The following ST3GAL1 variants were observed in gnomAD, a reference collection of about 807,000 sequenced individuals.
ST3GAL1 encodes the protein ST3 beta-galactoside alpha-2,3-sialyltransferase 1.
Under a neutral mutation model 34.1 loss-of-function variants are expected in ST3GAL1, and 16 were observed. The ratio of observed to expected loss-of-function variants is 0.47; its 90% CI spans 0.32 to 0.71. The LOEUF (loss-of-function observed/expected upper bound fraction) is 0.71. ST3GAL1 is among the 30% of genes least tolerant of loss of function. The pLI, the probability that ST3GAL1 is intolerant of heterozygous loss-of-function variation, is 0.04. For synonymous variants in ST3GAL1, 191 were observed against 184.7 expected (o/e 1.03, Z -0.28); for missense variants, 353 against 447.4 (o/e 0.79, Z 1.90).
chr8:133,490,687 G>A (rs1464017362), intron 3 of ST3GAL1, among the ~76,000 whole-genome samples: 8 of 152,224 alleles, frequency 5.3e-5, no homozygotes, highest in African/African-American at 1.7e-4. Context: ...AAAACAGGGC[G>A]CCCTTCAGAG....
chr8:133,545,460 T>G (rs1168188812), intron 2 of ST3GAL1, among the ~76,000 whole-genome samples: 1 of 152,236 alleles, frequency 6.6e-6, no homozygotes, highest in Non-Finnish European at 1.5e-5. Context: ...TGACAGGCCC[T>G]TGTCATCAAA....
chr8:133,550,845 C>T (rs1165794334), intron 1 of ST3GAL1, among the ~76,000 whole-genome samples: 7 of 152,202 alleles, frequency 4.6e-5, no homozygotes, highest in Non-Finnish European at 7.3e-5. Flanking sequence ...CCTGAGGCTC[C>T]TTTCTACTGT....
intron 6 of ST3GAL1, 66 bp downstream of exon 6, chr8:133,465,828 C>T (rs2130923996): frequency 5.2e-6 from 8 of 1,537,896 alleles, no homozygotes; most frequent in Non-Finnish European, 6.2e-6. Context: ...AGCCAAGATG[C>T]TTCCTACAGC....
chr8:133,465,994 T>A lies in ST3GAL1; in HGVS notation c.403A>T (p.Arg135Trp). The change falls in exon 6 of 10, where the codon AGG becomes TGG. Residue 135 changes from arginine (R) to tryptophan (W), a missense_variant. Transcript: ENST00000522652. The stretch of plus-strand genomic sequence containing the variant: ...GCGCAGCGCCGGCAGCCCACCGACC[T>A]CTTCTCCAGCATAGGGTCCACATTC... ...PGNVDPMLEK[R>W]SVGCRRCAVV... The A allele has an allele frequency of 6.2e-7, 1 of 1,614,206 alleles. No individual in the cohort carries two copies. The highest frequency in any genetic ancestry group is 8.5e-7 in the Non-Finnish European group (1 of 1,180,028).
At chr8:133,565,289 G>A (rs2978061) in intron 1 of ST3GAL1, among the ~76,000 whole-genome samples, 1 of 152,180 alleles carries the variant, frequency 6.6e-6, no homozygotes, top group East Asian at 1.9e-4. Flanking sequence ...GGTGGGCTCA[G>A]CTCTTGGTGC....
In ST3GAL1 at chr8:133,497,455, A is replaced by ATTTTTTTTTTTTTTTTTTTTTT. The variant is rs1816988627; in HGVS notation, c.-374+1679_-374+1680insAAAAAAAAAAAAAAAAAAAAAA. Among the ~76,000 whole-genome samples, 48 of 101,242 alleles carry ATTTTTTTTTTTTTTTTTTTTTT rather than the reference A, an allele frequency of 4.7e-4. 23 individuals are homozygous for ATTTTTTTTTTTTTTTTTTTTTT. The highest frequency in any genetic ancestry group is 4.2e-4 in the Non-Finnish European group (22 of 52,146). 66.4% of individuals were successfully genotyped at this position (101,242 alleles called of 152,430 possible). On this transcript the variant is annotated intron_variant, in intron 3 of 9. Transcript: ENST00000522652. ...CTTCTCTCCCATGCAATTTTGTTGG[A>ATTTTTTTTTTTTTTTTTTTTTT]ATTTTTTTTTTTTTTTTTTTTTTTT...
chr8:133,509,456 G>A (rs1817441501), intron 2 of ST3GAL1, among the ~76,000 whole-genome samples: 1 of 152,218 alleles, frequency 6.6e-6, no homozygotes, highest in African/African-American at 2.4e-5. Context: ...TGTAAAATGA[G>A]AATAGGACTT....
intron 1 of ST3GAL1, among the ~76,000 whole-genome samples, chr8:133,566,128 AGT>A (rs1819392947): frequency 6.6e-6 from 1 of 152,182 alleles, no homozygotes; most frequent in East Asian, 1.9e-4. Context: ...TCCTGGTAAC[AGT>A]GCTTTGGGTG....
chr8:133,456,738 T>C lies in ST3GAL1; in HGVS notation c.*3026A>G, dbSNP rs1586575454. On this transcript the variant is annotated 3_prime_UTR_variant, in exon 10 of 10. Coordinates refer to ENST00000522652, the MANE Select transcript of ST3GAL1 (RefSeq NM_173344.3). The stretch of plus-strand genomic sequence containing the variant: ...AAATGCAGTCTCCTGCACGGGAGGG[T>C]GTGAGAAGGCCACCCAGGCAGCCTG... 1 of 152,242 alleles carries C rather than the reference T, an allele frequency of 6.6e-6. No homozygotes were observed. Among genetic ancestry groups the C allele is most frequent in the Middle Eastern group, 3.4e-3 (1 of 294 alleles). 9.4% of individuals were successfully genotyped at this position (152,242 alleles called of 1,614,324 possible).
At chr8:133,471,340 G>T (rs1477167682) in intron 5 of ST3GAL1, among the ~76,000 whole-genome samples, 8 of 72,124 alleles carry the variant, frequency 1.1e-4, no homozygotes, top group African/African-American at 5.1e-4. Context: ...GGGGTGGACA[G>T]GTGGGGTGGA....
chr8:133,505,130 A>G (rs1216414701), intron 2 of ST3GAL1, among the ~76,000 whole-genome samples: 1 of 152,122 alleles, frequency 6.6e-6, no homozygotes, highest in Non-Finnish European at 1.5e-5. Context: ...TTGACAGACA[A>G]TTCTTCATGG....
intron 3 of ST3GAL1, among the ~76,000 whole-genome samples, chr8:133,497,547 T>G (rs1378594173): frequency 3.0e-5 from 4 of 132,060 alleles, no homozygotes; most frequent in African/African-American, 5.7e-5. Context: ...CTCGGCTAAC[T>G]GCAACCTCCG....
At chr8:133,486,944 T>C (rs1816625760) in intron 3 of ST3GAL1, among the ~76,000 whole-genome samples, 1 of 152,226 alleles carries the variant, frequency 6.6e-6, no homozygotes. Context: ...AGAGTCACTT[T>C]CTTACTTCTT....
Position 133,470,212 on chromosome 8 carries a change from G to A in ST3GAL1, c.307-4122C>T, listed in dbSNP as rs151029936. On this transcript the variant is annotated intron_variant, in intron 5 of 9. Coordinates refer to ENST00000522652, the MANE Select transcript of ST3GAL1 (RefSeq NM_173344.3). ...AGGCGGGTGGGTCACCTGTGGTCAGGAGTTTGAGACCAGCCTGACCAACAT... is the reference window on the plus strand; with the variant it reads ...AGGCGGGTGGGTCACCTGTGGTCAGAAGTTTGAGACCAGCCTGACCAACAT... Among the ~76,000 whole-genome samples the A allele has an allele frequency of 4.0e-3, 604 of 152,286 alleles. 4 individuals are homozygous for A. Among genetic ancestry groups the A allele is most frequent in the African/African-American group, 0.014 (583 of 41,542 alleles).
At chr8:133,464,299 G>T (rs1051015672) in intron 7 of ST3GAL1, among the ~76,000 whole-genome samples, 7 of 152,190 alleles carry the variant, frequency 4.6e-5, no homozygotes, top group African/African-American at 1.7e-4. Context: ...GCTCCTGATT[G>T]TCAGGGAAGC....
At chr8:133,496,607 T>C (rs3802259) in intron 3 of ST3GAL1, among the ~76,000 whole-genome samples, 19,957 of 152,152 alleles carry the variant, frequency 0.13, 1,815 homozygotes, top group East Asian at 0.52. Context: ...TTGCCCAAGG[T>C]TGTACACTGG....
chr8:133,558,132 C>T (rs1296042024), intron 1 of ST3GAL1, among the ~76,000 whole-genome samples: 1 of 152,180 alleles, frequency 6.6e-6, no homozygotes, highest in African/African-American at 2.4e-5. Context: ...CCTTCTAAAC[C>T]GCAAAGCTGC....
At chr8:133,486,978 C>T (rs1198068737) in intron 3 of ST3GAL1, among the ~76,000 whole-genome samples, 1 of 152,246 alleles carries the variant, frequency 6.6e-6, no homozygotes, top group Non-Finnish European at 1.5e-5. Context: ...GAGTCTCGCT[C>T]TGTTGCCCAG....
rs371422234 is a variant in ST3GAL1 at position 133,467,658 on chromosome 8, C to T, written c.307-1568G>A. On this transcript the variant is annotated intron_variant, in intron 5 of 9. Coordinates refer to ENST00000522652, the MANE Select transcript of ST3GAL1 (RefSeq NM_173344.3). This position sits in a 1 kb window ranked among gnomAD's most constrained non-coding sequence, Gnocchi z 4.2. ...TGATAAGCTGTGGGGTGATTCCCAT[C>T]GGCTACTCCGGGCCCCAGGGGCAAG... is the stretch of plus-strand genomic sequence containing the variant. Among the ~76,000 whole-genome samples, 16 of 152,290 alleles carry T rather than the reference C, an allele frequency of 1.1e-4. No homozygotes were observed. Among genetic ancestry groups the T allele is most frequent in the African/African-American group, 3.1e-4 (13 of 41,560 alleles).
Sources: allele counts gnomAD v4.1 joint callset (sites outside exome capture counted in the v4.1 genomes callset), GRCh38; gene constraint gnomAD v4.1.1; non-coding constraint Gnocchi (gnomAD v3.1); transcripts MANE v1.5; gene names NCBI Gene and HGNC (gene_info 2026-07-23, HGNC 2026-07-21).